AASS: variants seen among roughly 807,000 people sequenced by gnomAD.
The protein encoded by AASS is alpha-aminoadipic semialdehyde synthase, mitochondrial.
AASS carries 86 observed loss-of-function variants against 105.4 expected under a neutral mutation model. The observed-to-expected ratio is 0.82, with a 90% CI of 0.69 to 0.98. AASS has a LOEUF of 0.98. Among genes scored for constraint, AASS ranks in the 50% least tolerant of loss-of-function variants. The pLI, the probability that AASS is intolerant of heterozygous loss-of-function variation, is 0.00. For synonymous variants in AASS, 381 were observed against 394.8 expected, an observed-to-expected ratio of 0.96 and a Z score of 0.41; for missense variants, 1,048 against 1,143.2, an observed-to-expected ratio of 0.92 and a Z score of 1.20.
chr7:122,121,703 T>C (rs145767374), intron 4 of AASS, among the ~76,000 whole-genome samples: 4 of 152,290 alleles, frequency 2.6e-5, no homozygotes, highest in Non-Finnish European at 5.9e-5. Flanking sequence ...AAATAAGATA[T>C]GATGTTTTTT....
intron 4 of AASS, among the ~76,000 whole-genome samples, chr7:122,125,464 A>G (rs1191556518): frequency 1.3e-5 from 2 of 152,196 alleles, no homozygotes; most frequent in Non-Finnish European, 2.9e-5. Flanking sequence ...GTTTTGCCAC[A>G]AGAATACACC....
chr7:122,100,933 G>A (rs184852013), intron 13 of AASS, among the ~76,000 whole-genome samples: 10 of 151,724 alleles, frequency 6.6e-5, no homozygotes, highest in Admixed American at 5.3e-4. Flanking sequence ...TTGTAACCAC[G>A]AATTCACTTC....
Position 122,098,904 on chromosome 7 carries a change from G to A in AASS, c.1407-38C>T, listed in dbSNP as rs536744566. On this transcript the variant is annotated intron_variant, in intron 13 of 23. Coordinates refer to ENST00000417368, the MANE Select transcript of AASS (RefSeq NM_005763.4). The stretch of plus-strand genomic sequence containing the variant: ...AAAAAAAAAAAAAAAAAAGGGAAGG[G>A]GCTAATTAAAAATTTTTTTTTAAAT... The A allele has an allele frequency of 3.2e-5, 49 of 1,510,076 alleles. No homozygotes were observed. In the African/African-American group the frequency reaches 5.0e-4, roughly 15 times the overall value. 93.5% of individuals were successfully genotyped at this position (1,510,076 alleles called of 1,614,324 possible).
intron 19 of AASS, among the ~76,000 whole-genome samples, chr7:122,083,617 A>C (rs1440905671): frequency 1.3e-5 from 2 of 152,122 alleles, no homozygotes; most frequent in African/African-American, 4.8e-5. Flanking sequence ...CTGATGACTA[A>C]ATTGTAGTAC....
chr7:122,093,155 C>A lies in AASS; in HGVS notation c.1659G>T (p.Leu553Phe). Residue 553 changes from leucine to phenylalanine, a missense_variant, in exon 16 of 24, where the codon TTG (leucine) becomes TTT (phenylalanine). Transcript: ENST00000417368. Reference protein sequence around the residue: ...LVAKQDLVISLLPYVLHPLVA... With the variant: ...LVAKQDLVISFLPYVLHPLVA... The stretch of plus-strand genomic sequence containing the variant: ...CAAGAGGGTGCAATACATAAGGCAA[C>A]AAGCTTGAAAACAGGAAGAAACTAA... 6.2e-7 allele frequency: 1 copy of A among 1,612,194 alleles called. No individual in the cohort carries two copies. Among genetic ancestry groups the A allele is most frequent in the Non-Finnish European group, 8.5e-7 (1 of 1,178,328 alleles).
intron 3 of AASS, 137 bp from the exon 4 acceptor site, chr7:122,126,596 G>C: frequency 1.3e-6 from 1 of 744,018 alleles, no homozygotes; most frequent in Non-Finnish European, 2.4e-6. Context: ...GCTACCATCA[G>C]GTATACCATG....
Position 122,098,800 on chromosome 7 carries a change from T to C in AASS, c.1473A>G (p.Ile491Met), listed in dbSNP as rs147394896. ...ATAAATATTCTAATACAGGCTCAGATATGTAGCCAGATCCAAGAACCAAAA... is the reference window on the plus strand; with the variant it reads ...ATAAATATTCTAATACAGGCTCAGACATGTAGCCAGATCCAAGAACCAAAA... ...RKVLVLGSGY[I>M]SEPVLEYLSR... Residue 491 changes from isoleucine (I) to methionine (M), a missense_variant, in exon 14 of 24, where the codon ATA (isoleucine) becomes ATG (methionine). Ile to Met is a conservative substitution (Grantham distance 10). Transcript: ENST00000417368. 788 of 1,601,132 alleles carry C rather than the reference T, an allele frequency of 4.9e-4. 2 individuals are homozygous for C. Among genetic ancestry groups the C allele is most frequent in the Middle Eastern group, 1.0e-3 (6 of 6,004 alleles).
chr7:122,130,289 A>T (rs78648017), intron 2 of AASS, among the ~76,000 whole-genome samples: 5,061 of 152,136 alleles, frequency 0.033, 130 homozygotes, highest in Middle Eastern at 0.058. Context: ...GGCAAACACA[A>T]GATGGTAATA....
chr7:122,091,105 A>G (rs1333418285), intron 18 of AASS, among the ~76,000 whole-genome samples: 2 of 152,186 alleles, frequency 1.3e-5, no homozygotes, highest in African/African-American at 4.8e-5. Context: ...AAGCCTTAAG[A>G]GTTAGTTAGA....
chr7:122,076,675 G>A (rs1369905983), intron 23 of AASS, 68 bp from the exon 24 acceptor site: 2 of 1,218,604 alleles, frequency 1.6e-6, no homozygotes, highest in African/African-American at 1.5e-5. Context: ...CCCATCAAGA[G>A]TCTCCACAAA....
intron 4 of AASS, among the ~76,000 whole-genome samples, chr7:122,125,655 G>A (rs145743619): frequency 0.039 from 5,997 of 152,246 alleles, 410 homozygotes; most frequent in African/African-American, 0.14. Flanking sequence ...CTTGTGGAAT[G>A]CTGAGAAAGG....
Position 122,093,170 on chromosome 7 carries a change from G to A in AASS, c.1656-12C>T, listed in dbSNP as rs1473751781. 12 of 1,588,962 alleles carry A rather than the reference G, an allele frequency of 7.6e-6. No homozygotes were observed. The highest frequency in any genetic ancestry group is 1.0e-5 in the Non-Finnish European group (12 of 1,157,258). On this transcript the variant is annotated splice_polypyrimidine_tract_variant and intron_variant, in intron 15 of 23. Coordinates refer to ENST00000417368, the MANE Select transcript of AASS (RefSeq NM_005763.4). ...CATAAGGCAACAAGCTTGAAAACAGGAAGAAACTAATCAGAAACTCCCTTT... is the reference window on the plus strand; with the variant it reads ...CATAAGGCAACAAGCTTGAAAACAGAAAGAAACTAATCAGAAACTCCCTTT...
chr7:122,134,717 C>T (rs920385464), intron 1 of AASS, among the ~76,000 whole-genome samples: 4 of 152,004 alleles, frequency 2.6e-5, no homozygotes, highest in African/African-American at 7.3e-5. Flanking sequence ...GACAATGTGG[C>T]GATTCCTCAA....
intron 6 of AASS, 72 bp downstream of exon 6, chr7:122,118,235 G>A: frequency 6.4e-7 from 1 of 1,551,110 alleles, no homozygotes; most frequent in Non-Finnish European, 8.8e-7. Context: ...CCCACAAAAT[G>A]GCTGCCCACA....
In AASS at chr7:122,117,720, A is replaced by G. The variant is rs113446965; in HGVS notation, c.687+587T>C. 5.3e-5 allele frequency among the ~76,000 whole-genome samples: 8 copies of G among 151,908 alleles called. 1 individual carries two copies. Among genetic ancestry groups the G allele is most frequent in the African/African-American group, 1.9e-4 (8 of 41,438 alleles). Reference sequence around the variant, plus strand: ...ACCCAGGCTGGAGTGCAGTGGTGCAATCTCGGCTCACTGCAACATTTGCCT... The same window carrying G: ...ACCCAGGCTGGAGTGCAGTGGTGCAGTCTCGGCTCACTGCAACATTTGCCT... On this transcript the variant is annotated intron_variant, in intron 6 of 23. Coordinates refer to ENST00000417368, the MANE Select transcript of AASS (RefSeq NM_005763.4).
At position 122,113,099 on chromosome 7, in the gene AASS, A is replaced by G. The variant is rs541274246; in HGVS notation, c.1278+19T>C. ...ATTTAAAGCCACAGAGTTGTTACTG[A>G]TATTACCAGTCTGCTTACCATTTCT... On this transcript the variant is annotated intron_variant, in intron 11 of 23. Transcript: ENST00000417368. 4.1e-4 allele frequency: 646 copies of G among 1,576,196 alleles called. 9 individuals are homozygous for G. In the South Asian group the frequency reaches 6.7e-3, roughly 16 times the overall value.
chr7:122,093,193 T>C, intron 15 of AASS, 35 bp from the exon 16 acceptor site: 1 of 1,426,284 alleles, frequency 7.0e-7, no homozygotes, highest in Non-Finnish European at 9.9e-7. Context: ...AGAAACTCCC[T>C]TTTTCAACTC....
chr7:122,127,099 T>C (rs279706), intron 3 of AASS, among the ~76,000 whole-genome samples: 95,290 of 151,888 alleles, frequency 0.63, 31,740 homozygotes, highest in African/African-American at 0.87. Context: ...CTTTTACAGG[T>C]AACCTTCCTA....
rs1792977271 is a variant in AASS, at chr7:122,075,848, G to C, written c.*641C>G. ...AAAAACTTAACTTAGGTAATCTGAA[G>C]GTATCTAACTGTATCAATTTTAAAA... On this transcript the variant is annotated 3_prime_UTR_variant, in exon 24 of 24. Transcript: ENST00000417368. The C allele has an allele frequency of 2.6e-5, 4 of 151,946 alleles. No individual in the cohort carries two copies. Among genetic ancestry groups the C allele is most frequent in the Admixed American group, 2.6e-4 (4 of 15,258 alleles). The allele number at this position is 151,946 out of a possible 1,614,324, so 9.4% of individuals were successfully genotyped here.
Sources: gnomAD v4.1 joint callset for allele counts (sites outside exome capture counted in the v4.1 genomes callset) on GRCh38, gnomAD v4.1.1 for gene constraint, MANE v1.5 for transcripts, NCBI Gene and HGNC (gene_info 2026-07-23, HGNC 2026-07-21) for gene names.